RHOV: variants seen among roughly 807,000 people sequenced by gnomAD.
RHOV encodes the protein rho-related GTP-binding protein RhoV.
RHOV carries 6 observed loss-of-function variants against 20.2 expected under a neutral mutation model. The observed-to-expected ratio is 0.30, with a 90% CI of 0.16 to 0.59. The LOEUF is 0.59. RHOV is among the 20% of genes least tolerant of loss of function. The probability of loss-of-function intolerance (pLI) is 0.89; values close to 1 mark genes in which losing one functional copy is unlikely to be tolerated. For synonymous variants in RHOV, 136 were observed against 142.3 expected (o/e 0.96, Z 0.31); for missense variants, 275 against 319.4 (o/e 0.86, Z 1.06).
chr15:40,872,998 GC>G lies in RHOV; in HGVS notation c.*59del. 3.7e-6 allele frequency: 5 copies of G among 1,364,520 alleles called. No homozygotes were observed. The highest frequency in any genetic ancestry group is 4.1e-6 in the Non-Finnish European group (4 of 975,530). 84.5% of individuals were successfully genotyped at this position (1,364,520 alleles called of 1,614,324 possible). On this transcript the variant is annotated 3_prime_UTR_variant, in exon 3 of 3. Coordinates refer to ENST00000220507, the MANE Select transcript of RHOV (RefSeq NM_133639.4). ...CAGTAGCTGCCGCAAAGGCCCGGGT[GC>G]CCCAGGTCTCAGAAGTCTTTGGCCT...
At chr15:40,873,881 GCACAGCCCCGC>G in intron 1 of RHOV, 40 bp downstream of exon 1, 1 of 1,563,314 alleles carries the variant, frequency 6.4e-7, no homozygotes, top group Non-Finnish European at 8.7e-7. Context: ...GCTCCCCGGT[GCACAGCCCCGC>G]CGCAGCCACG....
At position 40,874,147 on chromosome 15, in the gene RHOV, T is replaced by C; in HGVS notation, c.-8A>G. 7.8e-7 allele frequency: 1 copy of C among 1,288,586 alleles called. No homozygotes were observed. The highest frequency in any genetic ancestry group is 9.9e-7 in the Non-Finnish European group (1 of 1,009,768). 79.8% of individuals were successfully genotyped at this position (1,288,586 alleles called of 1,614,324 possible). A position where few individuals can be genotyped will look rare whatever the true frequency, so the allele number is the denominator to read the frequency against. On this transcript the variant is annotated 5_prime_UTR_variant, in exon 1 of 3. Transcript: ENST00000220507. The stretch of plus-strand genomic sequence containing the variant: ...CAGCTCCCGCGGCGGCATGGCCCGC[T>C]CCGGGGGCAGCAGAGGGGCCAGCCC...
rs902766871 is a variant in RHOV at position 40,874,217 on chromosome 15, G to A, written c.-78C>T. ...CTCGGTGAAGCAGGTCCCGCTGGCT[G>A]CCTCTGACTGAATGGGTCCAGGCTG... On this transcript the variant is annotated 5_prime_UTR_variant, in exon 1 of 3. Coordinates refer to ENST00000220507, the MANE Select transcript of RHOV (RefSeq NM_133639.4). 3.3e-5 allele frequency: 19 copies of A among 581,150 alleles called. No homozygotes were observed. Among genetic ancestry groups the A allele is most frequent in the Middle Eastern group, 9.6e-4 (2 of 2,082 alleles). 36.0% of individuals were successfully genotyped at this position (581,150 alleles called of 1,614,324 possible).
Position 40,874,060 on chromosome 15 carries a change from G to A in RHOV, c.80C>T (p.Pro27Leu), listed in dbSNP as rs1426437848. The change falls in exon 1 of 3, where the codon CCC (proline) becomes CTC (leucine). Residue 27 changes from proline to leucine, a missense_variant. Physicochemically the swap from Pro to Leu is moderately conservative, Grantham distance 98. Transcript: ENST00000220507. ...PTPPPRRRSA[P>L]PELGIKCVLV... Reference sequence around the variant, plus strand: ...CACGCACTTGATGCCCAGCTCTGGGGGCGCGCTACGCCGCCGCGGGGGAGG... The same window carrying A: ...CACGCACTTGATGCCCAGCTCTGGGAGCGCGCTACGCCGCCGCGGGGGAGG... The A allele has an allele frequency of 6.4e-7, 1 of 1,558,172 alleles. No homozygotes were observed.
intron 2 of RHOV, 41 bp downstream of exon 2, chr15:40,873,643 A>G (rs759810565): frequency 3.5e-5 from 56 of 1,609,552 alleles, no homozygotes; most frequent in Non-Finnish European, 3.7e-5. Flanking sequence ...CCTCCAGCCC[A>G]TCTCCCCGCA....
rs191834153 is a variant in RHOV, at chr15:40,872,712, G to C, written c.*346C>G. On this transcript the variant is annotated 3_prime_UTR_variant, in exon 3 of 3. Transcript: ENST00000220507. ...TCTTTCTCACCCCTGTGCCAAGGAAGGGTCCTAATTCAGCCAGGCTGACCT... is the reference window on the plus strand; with the variant it reads ...TCTTTCTCACCCCTGTGCCAAGGAACGGTCCTAATTCAGCCAGGCTGACCT... 89 of 230,884 alleles carry C rather than the reference G, an allele frequency of 3.9e-4. 1 individual carries two copies. In the East Asian group the frequency reaches 8.4e-3, roughly 22 times the overall value. 14.3% of individuals were successfully genotyped at this position (230,884 alleles called of 1,614,324 possible).
At position 40,873,136 on chromosome 15, in the gene RHOV, C is replaced by G. The variant is rs376857228; in HGVS notation, c.633G>C (p.Arg211=). 55 of 1,614,138 alleles carry G rather than the reference C, an allele frequency of 3.4e-5. No homozygotes were observed. The highest frequency in any genetic ancestry group is 4.7e-5 in the Non-Finnish European group (55 of 1,180,042). Residue 211 remains arginine (R), a synonymous_variant, in exon 3 of 3, where the codon CGG becomes CGC. Transcript: ENST00000220507. The stretch of plus-strand genomic sequence containing the variant: ...CTTTGGCATTCAGTTTCTTCTCCAG[C>G]CGGGCTTTGTGCTCAATGGCACTGA... ...AILSAIEHKA[R]LEKKLNAKGV...
Position 40,874,145 on chromosome 15 carries a change from G to A in RHOV, c.-6C>T. On this transcript the variant is annotated 5_prime_UTR_variant, in exon 1 of 3. Transcript: ENST00000220507. Reference sequence around the variant, plus strand: ...CTCAGCTCCCGCGGCGGCATGGCCCGCTCCGGGGGCAGCAGAGGGGCCAGC... The same window carrying A: ...CTCAGCTCCCGCGGCGGCATGGCCCACTCCGGGGGCAGCAGAGGGGCCAGC... The A allele has an allele frequency of 1.5e-6, 2 of 1,291,344 alleles. No individual in the cohort carries two copies. Among genetic ancestry groups the A allele is most frequent in the Non-Finnish European group, 2.0e-6 (2 of 1,011,700 alleles). The allele number at this position is 1,291,344 out of a possible 1,614,324, so 80.0% of individuals were successfully genotyped here.
Position 40,873,319 on chromosome 15 carries a change from A to G in RHOV, c.450T>C (p.Asp150=), listed in dbSNP as rs1891914047. 2 of 1,613,252 alleles carry G rather than the reference A, an allele frequency of 1.2e-6. No homozygotes were observed. The highest frequency in any genetic ancestry group is 1.7e-6 in the Non-Finnish European group (2 of 1,179,946). ...GGTCCAGCTGAATTAGTACGTTGAC[A>G]TCGTCCCTCAGGTCGGCCTGGGTGC... ...LVGTQADLRD[D]VNVLIQLDQG... The change falls in exon 3 of 3, where the codon GAT becomes GAC. Residue 150 remains aspartate (D), a synonymous_variant. Transcript: ENST00000220507.
chr15:40,872,922 C>A lies in RHOV; in HGVS notation c.*136G>T, dbSNP rs1025522853. 3 of 656,556 alleles carry A rather than the reference C, an allele frequency of 4.6e-6. No individual in the cohort carries two copies. Among genetic ancestry groups the A allele is most frequent in the African/African-American group, 1.8e-5 (1 of 55,502 alleles). 40.7% of individuals were successfully genotyped at this position (656,556 alleles called of 1,614,324 possible). A position where few individuals can be genotyped will look rare whatever the true frequency, so the allele number is the denominator to read the frequency against. Reference sequence around the variant, plus strand: ...AGAGTGGGCAGTTAGAGGCCCATGTCCCCCGAGTGTTCAGAAGGGAACTGA... The same window carrying A: ...AGAGTGGGCAGTTAGAGGCCCATGTACCCCGAGTGTTCAGAAGGGAACTGA... On this transcript the variant is annotated 3_prime_UTR_variant, in exon 3 of 3. Coordinates refer to ENST00000220507, the MANE Select transcript of RHOV (RefSeq NM_133639.4).
rs752789848 is a variant in RHOV at position 40,873,105 on chromosome 15, G to T, written c.664C>A (p.Arg222Ser). Residue 222 changes from arginine (R) to serine (S), a missense_variant, in exon 3 of 3, where the codon CGC (arginine) becomes AGC (serine). Physicochemically the swap from Arg to Ser is moderately radical, Grantham distance 110. Transcript: ENST00000220507. ...LEKKLNAKGV[R>S]TLSRCRWKKF... The stretch of plus-strand genomic sequence containing the variant: ...TTCCAGCGGCAGCGGGAGAGGGTGC[G>T]CACACCTTTGGCATTCAGTTTCTTC... 1 of 1,614,082 alleles carries T rather than the reference G, an allele frequency of 6.2e-7. No individual in the cohort carries two copies. The highest frequency in any genetic ancestry group is 8.5e-7 in the Non-Finnish European group (1 of 1,180,010).
Position 40,873,928 on chromosome 15 carries a change from G to A in RHOV, c.208+4C>T, listed in dbSNP as rs1032830672. The A allele has an allele frequency of 1.2e-6, 2 of 1,608,146 alleles. No homozygotes were observed. The highest frequency in any genetic ancestry group is 1.3e-5 in the African/African-American group (1 of 74,770). ...CGGCCGCACGGGCGATTGAACGTAC[G>A]TACCAGAGAAGGTGTCCAGCGCAGT... On this transcript the variant is annotated splice_donor_region_variant and intron_variant, in intron 1 of 2. Coordinates refer to ENST00000220507, the MANE Select transcript of RHOV (RefSeq NM_133639.4).
chr15:40,873,712 C>T lies in RHOV; in HGVS notation c.239G>A (p.Arg80His), dbSNP rs371263604. Residue 80 changes from arginine (R) to histidine (H), a missense_variant, in exon 2 of 3, where the codon CGC becomes CAC. Arg to His is a conservative substitution (Grantham distance 29). Transcript: ENST00000220507. The stretch of plus-strand genomic sequence containing the variant: ...TCCCGCTGTGTCCCAGAGCTCAATG[C>T]GCACCGGAGCTCCATCCACCAGGAC... ...VQVLVDGAPVRIELWDTAGQE... is the reference protein window; with the variant it reads ...VQVLVDGAPVHIELWDTAGQE... The T allele has an allele frequency of 7.4e-6, 12 of 1,613,852 alleles. No homozygotes were observed. The highest frequency in any genetic ancestry group is 1.0e-5 in the Non-Finnish European group (12 of 1,180,002).
chr15:40,874,062 C>G lies in RHOV; in HGVS notation c.78G>C (p.Ala26=). 1 of 1,543,572 alleles carries G rather than the reference C, an allele frequency of 6.5e-7. No homozygotes were observed. The highest frequency in any genetic ancestry group is 8.7e-7 in the Non-Finnish European group (1 of 1,150,128). The change falls in exon 1 of 3, where the codon GCG becomes GCC. Residue 26 remains alanine, a synonymous_variant. Coordinates refer to ENST00000220507, the MANE Select transcript of RHOV (RefSeq NM_133639.4). ...CGCACTTGATGCCCAGCTCTGGGGG[C>G]GCGCTACGCCGCCGCGGGGGAGGGG... is the stretch of plus-strand genomic sequence containing the variant. The part of the protein sequence containing the change: ...APTPPPRRRS[A]PPELGIKCVL...
rs767439028 is a variant in RHOV, at chr15:40,873,936, G to A, written c.204C>T (p.Phe68=). ...ARYRPTALDT[F]SVQVLVDGAP... is the part of the protein sequence containing the mutation. ...CGGGCGATTGAACGTACGTACCAGA[G>A]AAGGTGTCCAGCGCAGTGGGCCGGT... The change falls in exon 1 of 3, where the codon TTC becomes TTT. Residue 68 remains phenylalanine (F), a synonymous_variant. Coordinates refer to ENST00000220507, the MANE Select transcript of RHOV (RefSeq NM_133639.4). The A allele has an allele frequency of 6.2e-7, 1 of 1,610,400 alleles. No individual in the cohort carries two copies. The highest frequency in any genetic ancestry group is 1.1e-5 in the South Asian group (1 of 90,912).
chr15:40,874,170 C>T lies in RHOV; in HGVS notation c.-31G>A, dbSNP rs1054826242. 2.3e-4 allele frequency: 237 copies of T among 1,050,164 alleles called. 1 individual carries two copies. The highest frequency in any genetic ancestry group is 6.1e-5 in the Non-Finnish European group (49 of 798,014). 65.1% of individuals were successfully genotyped at this position (1,050,164 alleles called of 1,614,324 possible). Reference sequence around the variant, plus strand: ...GCTCCGGGGGCAGCAGAGGGGCCAGCCCGGGTCTCGGCTTCGCTGCGCTCG... The same window carrying T: ...GCTCCGGGGGCAGCAGAGGGGCCAGTCCGGGTCTCGGCTTCGCTGCGCTCG... On this transcript the variant is annotated 5_prime_UTR_variant, in exon 1 of 3. Coordinates refer to ENST00000220507, the MANE Select transcript of RHOV (RefSeq NM_133639.4).
Position 40,873,363 on chromosome 15 carries a change from C to T in RHOV, c.406G>A (p.Ala136Thr). Residue 136 changes from alanine (A) to threonine (T), a missense_variant, in exon 3 of 3, where the codon GCG (alanine) becomes ACG (threonine). Coordinates refer to ENST00000220507, the MANE Select transcript of RHOV (RefSeq NM_133639.4). ...TGGGTGCCCACCAGCAGCACAGGCG[C>T]CTGGGGGTTGTGCGTGCGGATCTCG... The part of the protein sequence containing the change: ...LPEIRTHNPQ[A>T]PVLLVGTQAD... 6 of 1,613,280 alleles carry T rather than the reference C, an allele frequency of 3.7e-6. No individual in the cohort carries two copies. Among genetic ancestry groups the T allele is most frequent in the Non-Finnish European group, 5.1e-6 (6 of 1,180,012 alleles).
intron 2 of RHOV, 91 bp downstream of exon 2, chr15:40,873,593 C>A: frequency 1.3e-6 from 2 of 1,585,080 alleles, no homozygotes; most frequent in South Asian, 2.2e-5. Context: ...CTCCAAGAGC[C>A]CAAGGCTTTC....
Position 40,872,953 on chromosome 15 carries a change from A to G in RHOV, c.*105T>C, listed in dbSNP as rs1891905145. ...AGTGTTCAGAAGGGAACTGAGTCCTATGAGGTGGCCAGGCCCTGCCAGTAG... is the reference window on the plus strand; with the variant it reads ...AGTGTTCAGAAGGGAACTGAGTCCTGTGAGGTGGCCAGGCCCTGCCAGTAG... On this transcript the variant is annotated 3_prime_UTR_variant, in exon 3 of 3. Coordinates refer to ENST00000220507, the MANE Select transcript of RHOV (RefSeq NM_133639.4). 3.8e-6 allele frequency: 3 copies of G among 787,416 alleles called. No homozygotes were observed. The highest frequency in any genetic ancestry group is 1.6e-5 in the South Asian group (1 of 61,518). 48.8% of individuals were successfully genotyped at this position (787,416 alleles called of 1,614,324 possible).
Sources: allele counts gnomAD v4.1 joint callset, GRCh38; gene constraint gnomAD v4.1.1; transcripts MANE v1.5; gene names NCBI Gene and HGNC (gene_info 2026-07-23, HGNC 2026-07-21).